AOX1: variants seen among roughly 807,000 people sequenced by gnomAD.
The protein encoded by AOX1 is aldehyde oxidase.
AOX1 carries 153 observed loss-of-function variants against 169.5 expected under a neutral mutation model. The observed-to-expected ratio is 0.90, with a 90% CI of 0.79 to 1.03. The LOEUF is 1.03. Ranked by LOEUF, AOX1 falls within the 50% of genes least tolerant of loss-of-function variation. The pLI is 0.00. For missense variants in AOX1, 1,656 were observed against 1,663.9 expected (o/e 1.00, Z 0.08); for synonymous variants, 562 against 581.9 (o/e 0.97, Z 0.49).
chr2:200,641,199 G>T lies in AOX1; in HGVS notation c.2655+15G>T. The T allele has an allele frequency of 1.3e-6, 2 of 1,551,646 alleles. No homozygotes were observed. Among genetic ancestry groups the T allele is most frequent in the Non-Finnish European group, 8.9e-7 (1 of 1,124,170 alleles). ...AATCATTATTCGTAAGTGTTTTAAG[G>T]AGCAAGTTCACATTCCTGAAAAGAG... On this transcript the variant is annotated intron_variant, in intron 24 of 34. Coordinates refer to ENST00000374700, the MANE Select transcript of AOX1 (RefSeq NM_001159.4).
chr2:200,657,186 A>ATTTTTTTTT (rs1323706482), intron 27 of AOX1, among the ~76,000 whole-genome samples: 13 of 65,752 alleles, frequency 2.0e-4, no homozygotes, highest in African/African-American at 7.9e-4. Context: ...ATATATATAT[A>ATTTTTTTTT]TATATTTTTT....
rs142122446 is a variant in AOX1, at chr2:200,639,169, C to T, written c.2568+867C>T. Among the ~76,000 whole-genome samples, 43 of 152,316 alleles carry T rather than the reference C, an allele frequency of 2.8e-4. No homozygotes were observed. In the East Asian group the frequency reaches 7.7e-3, roughly 27 times the overall value. ...TGTCTGCCATATTGGACAGTGCAGA[C>T]GCAGAACATTGCCATCATCACAGAA... On this transcript the variant is annotated intron_variant, in intron 23 of 34. Coordinates refer to ENST00000374700, the MANE Select transcript of AOX1 (RefSeq NM_001159.4).
intron 17 of AOX1, 84 bp downstream of exon 17, chr2:200,620,903 A>G: frequency 6.8e-7 from 1 of 1,461,756 alleles, no homozygotes; most frequent in Non-Finnish European, 9.3e-7. Flanking sequence ...TGGTGTGAAG[A>G]AATAGGCTAT....
rs142541240 is a variant in AOX1, at chr2:200,650,978, G to A, written c.2852G>A (p.Arg951Gln). The A allele has an allele frequency of 3.7e-5, 59 of 1,613,998 alleles. 1 individual carries two copies. In the Middle Eastern group the frequency reaches 4.9e-4, roughly 14 times the overall value. The part of the protein sequence containing the change: ...AKCGLSPEKV[R>Q]IINMYKEIDQ... The stretch of plus-strand genomic sequence containing the variant: ...TAATCTCCTTTTCTTTCATAGGTGC[G>A]AATCATAAACATGTACAAGGAAATT... Residue 951 changes from arginine to glutamine, a missense_variant, in exon 26 of 35, where the codon CGA (arginine) becomes CAA (glutamine). Physicochemically the swap from Arg to Gln is conservative, Grantham distance 43. Transcript: ENST00000374700.
chr2:200,645,379 TTG>T (rs762459492), intron 25 of AOX1, among the ~76,000 whole-genome samples: 3 of 152,180 alleles, frequency 2.0e-5, no homozygotes, highest in Non-Finnish European at 4.4e-5. Context: ...ATTTATTGAC[TTG>T]TGTGTGTTAA....
rs545081987 is a variant in AOX1 at position 200,661,715 on chromosome 2, A to G, written c.3428+84A>G. 4.5e-5 allele frequency: 48 copies of G among 1,058,318 alleles called. No homozygotes were observed. In the African/African-American group the frequency reaches 6.6e-4, roughly 15 times the overall value. 65.6% of individuals were successfully genotyped at this position (1,058,318 alleles called of 1,614,324 possible). A position where few individuals can be genotyped will look rare whatever the true frequency, so the allele number is the denominator to read the frequency against. On this transcript the variant is annotated intron_variant, in intron 30 of 34. Transcript: ENST00000374700. ...TTTCAGTTCCCTTGCAATTTTGGCA[A>G]ACGTTGACTTTCTACCTTCTATTTA...
intron 27 of AOX1, among the ~76,000 whole-genome samples, chr2:200,658,486 C>T (rs2035739518): frequency 6.6e-6 from 1 of 152,196 alleles, no homozygotes; most frequent in South Asian, 2.1e-4. Flanking sequence ...GAGAGCCAGA[C>T]CTCATGGAAG....
downstream of AOX1, among the ~76,000 whole-genome samples, chr2:200,673,764 A>C (rs1200788504): frequency 2.0e-5 from 3 of 152,204 alleles, no homozygotes; most frequent in Non-Finnish European, 4.4e-5. Flanking sequence ...TGGCATCTGC[A>C]GCCTAGGTTA....
Position 200,593,204 on chromosome 2 carries a change from G to A in AOX1, c.103+1G>A, listed in dbSNP as rs139174817. On this transcript the variant is annotated splice_donor_variant, in intron 2 of 34. Transcript: ENST00000374700. LOFTEE classifies it high-confidence loss of function. ...CTGTTGCCTTATTTGAGGAAGAAGC[G>A]TATCCTTTTCTTTACTTTGACTGTG... 201 of 1,612,588 alleles carry A rather than the reference G, an allele frequency of 1.2e-4. 1 individual carries two copies. Among genetic ancestry groups the A allele is most frequent in the Middle Eastern group, 8.3e-4 (5 of 6,060 alleles).
rs954287783 is a variant in AOX1 at position 200,612,742 on chromosome 2, T to C, written c.1397T>C (p.Val466Ala). ...GAGTTATGCATCTCATATGGAGGCG[T>C]TGGTCCAGCCACCATCTGTGCCAAG... ...IRELCISYGG[V>A]GPATICAKNS... The change falls in exon 14 of 35, where the codon GTT (valine) becomes GCT (alanine). Residue 466 changes from valine (V) to alanine (A), a missense_variant. Coordinates refer to ENST00000374700, the MANE Select transcript of AOX1 (RefSeq NM_001159.4). 8 of 1,613,992 alleles carry C rather than the reference T, an allele frequency of 5.0e-6. No homozygotes were observed. Among genetic ancestry groups the C allele is most frequent in the African/African-American group, 2.7e-5 (2 of 75,010 alleles).
At chr2:200,604,236 A>C in intron 8 of AOX1, 139 bp downstream of exon 8, 1 of 668,492 alleles carries the variant, frequency 1.5e-6, no homozygotes, top group East Asian at 2.7e-5. Context: ...AGGTCTAAAG[A>C]GTATGGACTA....
chr2:200,614,973 C>T (rs1441520823), intron 15 of AOX1, among the ~76,000 whole-genome samples: 1 of 151,564 alleles, frequency 6.6e-6, no homozygotes, highest in Non-Finnish European at 1.5e-5. Flanking sequence ...TCTTATACCC[C>T]TCCTCTCTTT....
chr2:200,604,717 C>T lies in AOX1; in HGVS notation c.691C>T (p.Gln231Ter), dbSNP rs2034479441. The stretch of plus-strand genomic sequence containing the variant: ...ATAGATAATGGCTGAGAAACAGTCG[C>T]AAAGGACCAGGGTGTTTGGCAGTGA... Reference protein sequence around the residue: ...ELMIMAEKQSQRTRVFGSERM... With the variant: ...ELMIMAEKQS The change falls in exon 9 of 35, where the codon CAA (glutamine) becomes TAA (stop). Residue 231 changes from glutamine (Q) to a stop codon, truncating the protein, a stop_gained. Transcript: ENST00000374700. LOFTEE classifies it high-confidence loss of function. 1.2e-6 allele frequency: 2 copies of T among 1,613,924 alleles called. No homozygotes were observed. The highest frequency in any genetic ancestry group is 1.3e-5 in the African/African-American group (1 of 74,894).
chr2:200,647,533 T>A (rs1193658891), intron 25 of AOX1, among the ~76,000 whole-genome samples: 1 of 152,232 alleles, frequency 6.6e-6, no homozygotes, highest in African/African-American at 2.4e-5. Context: ...TTCCTTCATC[T>A]TAACTTTGGA....
intron 1 of AOX1, among the ~76,000 whole-genome samples, chr2:200,590,952 C>G (rs1285366793): frequency 6.6e-6 from 1 of 152,106 alleles, no homozygotes; most frequent in Non-Finnish European, 1.5e-5. Flanking sequence ...CATCCCTATT[C>G]CAAGTAGCGG....
chr2:200,638,198 CT>C lies in AOX1; in HGVS notation c.2481-10del, dbSNP rs970050509. The C allele has an allele frequency of 3.1e-6, 5 of 1,611,622 alleles. No individual in the cohort carries two copies. The highest frequency in any genetic ancestry group is 3.4e-6 in the Non-Finnish European group (4 of 1,178,422). Reference sequence around the variant, plus strand: ...TAGGTAAAAGAGGTTACCTCACTTACTTTTTTTCTGTTTTAGACATGGCCGT... The same window carrying C: ...TAGGTAAAAGAGGTTACCTCACTTACTTTTTTCTGTTTTAGACATGGCCGT... On this transcript the variant is annotated splice_polypyrimidine_tract_variant and intron_variant, in intron 22 of 34. Coordinates refer to ENST00000374700, the MANE Select transcript of AOX1 (RefSeq NM_001159.4).
intron 23 of AOX1, among the ~76,000 whole-genome samples, chr2:200,639,615 A>AT (rs879558789): frequency 8.5e-5 from 13 of 152,218 alleles, no homozygotes; most frequent in African/African-American, 2.6e-4. Context: ...CCTGAAGGAG[A>AT]TTTTTTTTAA....
chr2:200,656,419 A>G (rs1461590653), intron 26 of AOX1, among the ~76,000 whole-genome samples: 1 of 152,228 alleles, frequency 6.6e-6, no homozygotes, highest in Non-Finnish European at 1.5e-5. Flanking sequence ...ATACAGTTAG[A>G]TAAGATTACT....
chr2:200,616,158 G>A (rs1324741276), intron 16 of AOX1, 95 bp downstream of exon 16: 16 of 869,204 alleles, frequency 1.8e-5, no homozygotes, highest in Middle Eastern at 2.2e-4. Flanking sequence ...CTCAAGCTCT[G>A]TAAGTCCAAG....
Sources: allele counts gnomAD v4.1 joint callset (sites outside exome capture counted in the v4.1 genomes callset), GRCh38; gene constraint gnomAD v4.1.1; transcripts MANE v1.5; gene names NCBI Gene and HGNC (gene_info 2026-07-23, HGNC 2026-07-21).